Variants in SRGAP1 observed in about 807,000 individuals in gnomAD.
The protein encoded by SRGAP1 is SLIT-ROBO Rho GTPase activating protein 1, also known as SLIT-ROBO Rho GTPase-activating protein 1.
Under a neutral mutation model 121.9 loss-of-function variants are expected in SRGAP1, and 43 were observed. The ratio of observed to expected loss-of-function variants is 0.35; its 90% CI spans 0.28 to 0.46. The LOEUF is 0.46. Ranked by LOEUF, SRGAP1 falls within the 20% of genes least tolerant of loss-of-function variation. The pLI, the probability that SRGAP1 is intolerant of heterozygous loss-of-function variation, is 1.00. For synonymous variants in SRGAP1, 447 were observed against 485.4 expected, an observed-to-expected ratio of 0.92 and a Z score of 1.04; for missense variants, 1,102 against 1,350.9, an observed-to-expected ratio of 0.82 and a Z score of 2.89.
intron 1 of SRGAP1, among the ~76,000 whole-genome samples, chr12:63,879,674 G>C (rs1037544847): frequency 2.0e-5 from 3 of 152,090 alleles, no homozygotes; most frequent in Non-Finnish European, 4.4e-5. Context: ...AGTTCATGGC[G>C]ATTTATTTAA....
At chr12:63,990,654 G>A (rs1468348356) in intron 3 of SRGAP1, among the ~76,000 whole-genome samples, 5 of 152,208 alleles carry the variant, frequency 3.3e-5, no homozygotes, top group Non-Finnish European at 7.3e-5. Flanking sequence ...GCTACACAAT[G>A]TGAGCAAAAA....
chr12:63,962,317 G>A (rs972972633), intron 1 of SRGAP1, among the ~76,000 whole-genome samples: 1 of 152,138 alleles, frequency 6.6e-6, no homozygotes, highest in African/African-American at 2.4e-5. Context: ...CTAGTTTAAG[G>A]AGACTTTTAT....
intron 1 of SRGAP1, among the ~76,000 whole-genome samples, chr12:63,887,061 A>T (rs1029103804): frequency 3.3e-5 from 5 of 151,636 alleles, no homozygotes; most frequent in African/African-American, 1.2e-4. Context: ...TTTAGTAGAG[A>T]TAGGGTTTCA....
intron 3 of SRGAP1, among the ~76,000 whole-genome samples, chr12:63,992,472 G>A (rs2033580070): frequency 6.6e-6 from 1 of 152,092 alleles, no homozygotes; most frequent in African/African-American, 2.4e-5. Flanking sequence ...TCATATCCAG[G>A]CAAGGAGACT....
At chr12:64,086,897 C>T (rs2035954319) in intron 10 of SRGAP1, 102 bp from the exon 11 acceptor site, 1 of 821,346 alleles carries the variant, frequency 1.2e-6, no homozygotes, top group African/African-American at 1.7e-5. Flanking sequence ...TAAGTTATTA[C>T]AAACTCAGTG....
chr12:64,040,723 C>T (rs1394864819), intron 4 of SRGAP1, among the ~76,000 whole-genome samples: 5 of 151,858 alleles, frequency 3.3e-5, no homozygotes, highest in African/African-American at 4.8e-5. Flanking sequence ...TTATAGGTAC[C>T]GTTATAAAAA....
At chr12:64,061,333 C>T (rs1369288949) in intron 6 of SRGAP1, among the ~76,000 whole-genome samples, 1 of 151,854 alleles carries the variant, frequency 6.6e-6, no homozygotes, top group African/African-American at 2.4e-5. Flanking sequence ...CAGATTCTAA[C>T]CTGTTCTTCT....
chr12:63,916,032 C>CTTTTTTTTTTTTT (rs140042368), intron 1 of SRGAP1, among the ~76,000 whole-genome samples: 1 of 125,202 alleles, frequency 8.0e-6, no homozygotes, highest in African/African-American at 3.0e-5. Context: ...CTTTTCTTTT[C>CTTTTTTTTTTTTT]TTTTTTTTTT....
chr12:64,019,036 C>T (rs200013177), intron 4 of SRGAP1, among the ~76,000 whole-genome samples: 2 of 152,046 alleles, frequency 1.3e-5, no homozygotes, highest in East Asian at 3.9e-4. Context: ...GTCCCTAATA[C>T]CTTAAAAAAA....
chr12:64,072,862 CAGTCCACAAA>C (rs1159907894), intron 8 of SRGAP1, among the ~76,000 whole-genome samples: 1 of 152,196 alleles, frequency 6.6e-6, no homozygotes, highest in African/African-American at 2.4e-5. Flanking sequence ...GCAACAAAGC[CAGTCCACAAA>C]AGTCCACAGA....
At chr12:64,126,705 T>C (rs1255822614) in intron 19 of SRGAP1, among the ~76,000 whole-genome samples, 4 of 152,124 alleles carry the variant, frequency 2.6e-5, no homozygotes, top group South Asian at 2.1e-4. Context: ...AAGACAAATA[T>C]AGCACACAAA....
rs1031314166 is a variant in SRGAP1 at position 64,152,076 on chromosome 12, T to C, written c.*9404T>C. 6.6e-6 allele frequency: 1 copy of C among 152,130 alleles called. No individual in the cohort carries two copies. Among genetic ancestry groups the C allele is most frequent in the Admixed American group, 6.5e-5 (1 of 15,270 alleles). The allele number at this position is 152,130 out of a possible 1,614,324, so 9.4% of individuals were successfully genotyped here. On this transcript the variant is annotated 3_prime_UTR_variant, in exon 22 of 22. Transcript: ENST00000355086. ...TAAATCATCTTTCTCAAAAACAAAATGAGAAACCTAACAAACAATCATTGA... is the reference window on the plus strand; with the variant it reads ...TAAATCATCTTTCTCAAAAACAAAACGAGAAACCTAACAAACAATCATTGA...
chr12:64,135,501 C>T (rs1428071889), intron 21 of SRGAP1, among the ~76,000 whole-genome samples: 1 of 152,020 alleles, frequency 6.6e-6, no homozygotes, highest in Non-Finnish European at 1.5e-5. Context: ...AACAACCAAC[C>T]AGCTTCACTA....
intron 3 of SRGAP1, among the ~76,000 whole-genome samples, chr12:64,013,654 T>A (rs1186063922): frequency 6.6e-6 from 1 of 152,210 alleles, no homozygotes; most frequent in African/African-American, 2.4e-5. Flanking sequence ...GCCTCTTTCA[T>A]CAGTTACATA....
At chr12:64,001,093 G>C (rs1255303000) in intron 3 of SRGAP1, among the ~76,000 whole-genome samples, 2 of 152,068 alleles carry the variant, frequency 1.3e-5, no homozygotes, top group Middle Eastern at 3.2e-3. Flanking sequence ...GTACTTTCGA[G>C]CCTCAAGCTT....
intron 4 of SRGAP1, among the ~76,000 whole-genome samples, chr12:64,025,547 G>T (rs574370282): frequency 6.6e-6 from 1 of 152,150 alleles, no homozygotes. Flanking sequence ...AGAGGCCTGG[G>T]TCTCAAAACA....
chr12:63,916,804 GTAGT>G (rs1206754400), intron 1 of SRGAP1, among the ~76,000 whole-genome samples: 1 of 152,164 alleles, frequency 6.6e-6, no homozygotes, highest in Non-Finnish European at 1.5e-5. Flanking sequence ...TTAATGAGAA[GTAGT>G]TAGGGTGTGA....
intron 1 of SRGAP1, among the ~76,000 whole-genome samples, chr12:63,863,563 C>T (rs748706901): frequency 5.9e-5 from 9 of 152,142 alleles, no homozygotes; most frequent in African/African-American, 1.4e-4. Context: ...TGAGCCACCG[C>T]GCCCAGCCAC....
At chr12:64,023,619 ATTG>A (rs780077916) in intron 4 of SRGAP1, among the ~76,000 whole-genome samples, 3 of 152,320 alleles carry the variant, frequency 2.0e-5, no homozygotes, top group South Asian at 2.1e-4. Context: ...TGTGAAATTG[ATTG>A]TTAATTGTGT....
Sources: allele counts gnomAD v4.1 joint callset (sites outside exome capture counted in the v4.1 genomes callset), GRCh38; gene constraint gnomAD v4.1.1; transcripts MANE v1.5; gene names NCBI Gene and HGNC (gene_info 2026-07-23, HGNC 2026-07-21).